Variants in RBMS3 observed in about 807,000 individuals in gnomAD.
The protein encoded by RBMS3 is RNA-binding motif, single-stranded-interacting protein 3.
A neutral mutation model predicts 66.8 loss-of-function variants in RBMS3; 27 were observed. The ratio of observed to expected loss-of-function variants is 0.40; its 90% confidence interval spans 0.30 to 0.56. RBMS3 has a LOEUF of 0.56. Among genes scored for constraint, RBMS3 ranks in the 20% least tolerant of loss-of-function variants. The pLI is 0.40. For missense variants in RBMS3, 513 were observed against 549.5 expected (o/e 0.93, Z 0.66); for synonymous variants, 188 against 183.0 (o/e 1.03, Z -0.22).
Position 29,408,634 on chromosome 3 carries a change from T to C in RBMS3, c.76-26109T>C, listed in dbSNP as rs573802340. On this transcript the variant is annotated intron_variant, in intron 1 of 14. Transcript: ENST00000383767. ...ACTCTCTAATGTCATTATGATACACTTTTTTTATATATATATTTTCTTTCT... is the reference window on the plus strand; with the variant it reads ...ACTCTCTAATGTCATTATGATACACCTTTTTTATATATATATTTTCTTTCT... Among the ~76,000 whole-genome samples the C allele has an allele frequency of 1.4e-4, 21 of 152,266 alleles. No homozygotes were observed. In the South Asian group the frequency reaches 3.1e-3, roughly 23 times the overall value.
At chr3:29,946,179 C>T (rs777269757) in intron 12 of RBMS3, among the ~76,000 whole-genome samples, 9 of 151,692 alleles carry the variant, frequency 5.9e-5, no homozygotes, top group Admixed American at 2.0e-4. Flanking sequence ...TTCCAAAATG[C>T]TTGTTAATTG....
At chr3:29,916,974 G>A (rs1277803408) in intron 10 of RBMS3, among the ~76,000 whole-genome samples, 1 of 151,964 alleles carries the variant, frequency 6.6e-6, no homozygotes, top group African/African-American at 2.4e-5. Context: ...TTATTTGCCA[G>A]TGTTTTTCCC....
At chr3:29,583,127 A>G (rs2047388967) in intron 3 of RBMS3, among the ~76,000 whole-genome samples, 1 of 152,052 alleles carries the variant, frequency 6.6e-6, no homozygotes, top group Non-Finnish European at 1.5e-5. Flanking sequence ...CGCTTTTTTC[A>G]AAGTTTAGCC....
At chr3:29,651,342 A>T (rs932013359) in intron 4 of RBMS3, among the ~76,000 whole-genome samples, 1 of 152,198 alleles carries the variant, frequency 6.6e-6, no homozygotes, top group Admixed American at 6.5e-5. Flanking sequence ...GAAAGAAATC[A>T]GTTTGCTTTA....
At chr3:29,573,308 A>G (rs1033608521) in intron 3 of RBMS3, among the ~76,000 whole-genome samples, 2 of 152,012 alleles carry the variant, frequency 1.3e-5, no homozygotes, top group African/African-American at 2.4e-5. Context: ...TTTAGTAGAG[A>G]TGGGGTTTCA....
At chr3:29,329,558 T>G (rs1023289206) in intron 1 of RBMS3, among the ~76,000 whole-genome samples, 1 of 152,024 alleles carries the variant, frequency 6.6e-6, no homozygotes, top group African/African-American at 2.4e-5. Context: ...GAAAACTGAA[T>G]AAGCTTTAGA....
At chr3:29,355,216 C>T (rs935075273) in intron 1 of RBMS3, among the ~76,000 whole-genome samples, 1 of 152,024 alleles carries the variant, frequency 6.6e-6, no homozygotes, top group African/African-American at 2.4e-5. Context: ...CATCATAATG[C>T]CTGGTAGGTA....
At chr3:30,000,432 C>G (rs1406297846) in intron 14 of RBMS3, among the ~76,000 whole-genome samples, 7 of 152,170 alleles carry the variant, frequency 4.6e-5, no homozygotes, top group Non-Finnish European at 8.8e-5. Flanking sequence ...TACTTTTACA[C>G]TGTTGGTGGG....
chr3:29,346,035 C>G (rs940050713), intron 1 of RBMS3, among the ~76,000 whole-genome samples: 1 of 152,190 alleles, frequency 6.6e-6, no homozygotes, highest in Non-Finnish European at 1.5e-5. Flanking sequence ...GTCTTTAGGT[C>G]TATTATCCCA....
At chr3:29,846,825 G>C (rs1484468647) in intron 6 of RBMS3, among the ~76,000 whole-genome samples, 1 of 151,780 alleles carries the variant, frequency 6.6e-6, no homozygotes, top group Non-Finnish European at 1.5e-5. Context: ...GATTAGCCAA[G>C]AACAAAGAGG....
intron 6 of RBMS3, among the ~76,000 whole-genome samples, chr3:29,785,959 A>G (rs571711904): frequency 6.6e-6 from 1 of 152,238 alleles, no homozygotes; most frequent in South Asian, 2.1e-4. Flanking sequence ...ACTCACCCAA[A>G]GAGCTGCTAG....
chr3:29,977,283 G>A (rs1697653741), intron 12 of RBMS3, among the ~76,000 whole-genome samples: 2 of 151,984 alleles, frequency 1.3e-5, no homozygotes. Context: ...TTGAAATGCA[G>A]GAACTTCCTT....
At chr3:29,625,492 G>T (rs1047920669) in intron 4 of RBMS3, among the ~76,000 whole-genome samples, 14 of 151,886 alleles carry the variant, frequency 9.2e-5, no homozygotes, top group African/African-American at 3.1e-4. Flanking sequence ...TCAGGAGTTC[G>T]AGACCAGCCC....
chr3:29,681,291 C>T (rs1319737052), intron 4 of RBMS3, among the ~76,000 whole-genome samples: 1 of 152,216 alleles, frequency 6.6e-6, no homozygotes, highest in African/African-American at 2.4e-5. Context: ...ACCAACACCT[C>T]CAACATAAGT....
intron 4 of RBMS3, among the ~76,000 whole-genome samples, chr3:29,656,822 A>G (rs1701045339): frequency 6.6e-6 from 1 of 152,180 alleles, no homozygotes; most frequent in South Asian, 2.1e-4. Context: ...TAGTTAGGGT[A>G]GACTAACTAC....
intron 2 of RBMS3, among the ~76,000 whole-genome samples, chr3:29,463,939 T>A (rs191787330): frequency 4.9e-4 from 74 of 152,268 alleles, no homozygotes; most frequent in African/African-American, 1.8e-3. Context: ...ATTGTACATA[T>A]GAAGATACAA....
chr3:29,624,446 T>C (rs2048983923), intron 4 of RBMS3, among the ~76,000 whole-genome samples: 1 of 152,160 alleles, frequency 6.6e-6, no homozygotes, highest in African/African-American at 2.4e-5. Context: ...CTCAAAGTAA[T>C]TGAAAATTTA....
At chr3:29,361,077 TG>T (rs2037554985) in intron 1 of RBMS3, among the ~76,000 whole-genome samples, 1 of 152,050 alleles carries the variant, frequency 6.6e-6, no homozygotes. Context: ...TGTGTGAATT[TG>T]ATCCTGTCAT....
rs2149236226 is a variant in RBMS3 at position 29,664,850 on chromosome 3, GA to G, written c.400-74866del. 2.0e-5 allele frequency among the ~76,000 whole-genome samples: 3 copies of G among 152,194 alleles called. 1 individual carries two copies. Among genetic ancestry groups the G allele is most frequent in the South Asian group, 4.1e-4 (2 of 4,824 alleles). On this transcript the variant is annotated intron_variant, in intron 4 of 14. Coordinates refer to ENST00000383767, the MANE Select transcript of RBMS3 (RefSeq NM_001003793.3). ...GTGGTTTATTTCTAAACACCAAATA[GA>G]AAAGAGTTCTTAGAGGACACATTTA...
Sources: allele counts gnomAD v4.1 joint callset (sites outside exome capture counted in the v4.1 genomes callset), GRCh38; gene constraint gnomAD v4.1.1; transcripts MANE v1.5; gene names NCBI Gene and HGNC (gene_info 2026-07-23, HGNC 2026-07-21).